Variants in HCRTR2 observed in about 807,000 individuals in gnomAD.
HCRTR2 encodes the protein hypocretin receptor 2.
Under a neutral mutation model 49.0 loss-of-function variants are expected in HCRTR2, and 22 were observed. The observed-to-expected ratio is 0.45, with a 90% CI of 0.32 to 0.64. The LOEUF (loss-of-function observed/expected upper bound fraction) is 0.64. Ranked by LOEUF, HCRTR2 falls within the 30% of genes least tolerant of loss-of-function variation. The probability of loss-of-function intolerance (pLI) is 0.04; values close to 1 mark genes in which losing one functional copy is unlikely to be tolerated. For synonymous variants in HCRTR2, 236 were observed against 205.3 expected (o/e 1.15, Z -1.28); for missense variants, 491 against 559.4 (o/e 0.88, Z 1.23).
At position 55,144,867 on chromosome 6, in the gene HCRTR2, T is replaced by TA. The variant is rs897826226; in HGVS notation, c.-377-29343dup. ...ATCTTGTGAGCTCTGGATTAATATA[T>TA]ATCATTGTTTCTTTAAGAGTTATTC... On this transcript the variant is annotated intron_variant, in intron 1 of 7. Coordinates refer to the HCRTR2 transcript ENST00000615358. Among the ~76,000 whole-genome samples, 5 of 152,294 alleles carry TA rather than the reference T, an allele frequency of 3.3e-5. No homozygotes were observed. In the South Asian group the frequency reaches 1.0e-3, roughly 32 times the overall value.
chr6:55,112,722 G>A (rs750244540), intron 1 of HCRTR2, among the ~76,000 whole-genome samples: 8 of 151,750 alleles, frequency 5.3e-5, no homozygotes, highest in South Asian at 2.1e-4. Context: ...CTGCAAAAGC[G>A]ATCTACAAGT....
At chr6:55,278,682 G>T (rs929048303) in intron 5 of HCRTR2, among the ~76,000 whole-genome samples, 3 of 151,292 alleles carry the variant, frequency 2.0e-5, no homozygotes, top group Admixed American at 2.0e-4. Context: ...CAAGAAAATA[G>T]AAATTATTTT....
chr6:55,188,967 T>C (rs919252657), intron 1 of HCRTR2, among the ~76,000 whole-genome samples: 1 of 152,194 alleles, frequency 6.6e-6, no homozygotes, highest in African/African-American at 2.4e-5. Flanking sequence ...ATTAAATGCA[T>C]GATAGCTTGA....
At chr6:55,147,714 A>G (rs1043092665) in intron 1 of HCRTR2, among the ~76,000 whole-genome samples, 2 of 152,160 alleles carry the variant, frequency 1.3e-5, no homozygotes, top group Non-Finnish European at 2.9e-5. Flanking sequence ...GTCCCTTTGA[A>G]AGTATTTCAT....
At chr6:55,210,064 G>A (rs1343696309) in intron 1 of HCRTR2, among the ~76,000 whole-genome samples, 5 of 151,998 alleles carry the variant, frequency 3.3e-5, no homozygotes, top group South Asian at 2.1e-4. Context: ...CAAAGGGACC[G>A]TTCACCCACA....
At chr6:55,254,470 A>C (rs149213810) in intron 2 of HCRTR2, among the ~76,000 whole-genome samples, 1 of 152,104 alleles carries the variant, frequency 6.6e-6, no homozygotes, top group Non-Finnish European at 1.5e-5. Context: ...GACTGGGTGA[A>C]CTTACCTAGT....
At chr6:55,249,159 C>T (rs1358872816) in intron 2 of HCRTR2, among the ~76,000 whole-genome samples, 1 of 152,056 alleles carries the variant, frequency 6.6e-6, no homozygotes, top group African/African-American at 2.4e-5. Context: ...TTCCTAATTT[C>T]CCCATTGTTA....
intron 1 of HCRTR2, among the ~76,000 whole-genome samples, chr6:55,127,005 C>T (rs1407590313): frequency 6.6e-6 from 1 of 151,940 alleles, no homozygotes; most frequent in Admixed American, 6.6e-5. Flanking sequence ...TTTGCTGGGC[C>T]CTATGGGAGT....
chr6:55,158,109 G>A (rs2127261038), intron 1 of HCRTR2, among the ~76,000 whole-genome samples: 1 of 152,254 alleles, frequency 6.6e-6, no homozygotes, highest in South Asian at 2.1e-4. Flanking sequence ...GAGGTACCCA[G>A]CTCCTCTCAT....
intron 1 of HCRTR2, among the ~76,000 whole-genome samples, chr6:55,165,489 C>G (rs1273487651): frequency 6.6e-6 from 1 of 151,628 alleles, no homozygotes; most frequent in Non-Finnish European, 1.5e-5. Flanking sequence ...GATTAAAGAC[C>G]TAAGTATAAG....
At chr6:55,208,459 T>A (rs1329293738) in intron 1 of HCRTR2, among the ~76,000 whole-genome samples, 1 of 150,800 alleles carries the variant, frequency 6.6e-6, no homozygotes, top group Non-Finnish European at 1.5e-5. Flanking sequence ...ACCATTGCAC[T>A]CCAGTCTGGG....
rs71560900 is a variant in HCRTR2, at chr6:55,175,468, A to G, written c.223+658A>G. Among the ~76,000 whole-genome samples, 1,135 of 152,154 alleles carry G rather than the reference A, an allele frequency of 7.5e-3. 9 individuals are homozygous for G. Among genetic ancestry groups the G allele is most frequent in the Middle Eastern group, 0.031 (9 of 292 alleles). On this transcript the variant is annotated intron_variant, in intron 1 of 6. Coordinates refer to ENST00000370862, the MANE Select transcript of HCRTR2 (RefSeq NM_001384272.1). ...CGGAGAAAAGTACCACAGAGATCTC[A>G]ATCATCCATCCATCCATTCATTCTT...
downstream of HCRTR2, chr6:55,282,712 G>GTT: frequency 2.1e-6 from 1 of 465,350 alleles, no homozygotes; most frequent in African/African-American, 2.0e-5. Flanking sequence ...GTATTAAAAT[G>GTT]TGTCAATTAA....
At chr6:55,170,599 T>TAA (rs367831047), upstream of HCRTR2, among the ~76,000 whole-genome samples, 24,173 of 151,546 alleles carry the variant, frequency 0.16, 2,204 homozygotes, top group Non-Finnish European at 0.2. Context: ...TTATTTTTAT[T>TAA]ATACTTTAAG....
intron 1 of HCRTR2, among the ~76,000 whole-genome samples, chr6:55,141,391 CTGTT>C (rs1764505541): frequency 6.6e-6 from 1 of 151,864 alleles, no homozygotes; most frequent in Non-Finnish European, 1.5e-5. Context: ...TTAGAAATGG[CTGTT>C]TTTCATGGTC....
At chr6:55,254,246 T>G (rs1270487775) in intron 2 of HCRTR2, among the ~76,000 whole-genome samples, 1 of 151,148 alleles carries the variant, frequency 6.6e-6, no homozygotes, top group African/African-American at 2.4e-5. Flanking sequence ...TAAAAAAAAA[T>G]GTAAAAGAAA....
At chr6:55,202,571 G>A (rs1168588030) in intron 1 of HCRTR2, among the ~76,000 whole-genome samples, 2 of 152,134 alleles carry the variant, frequency 1.3e-5, no homozygotes, top group Admixed American at 6.5e-5. Flanking sequence ...TCTGGTGAGG[G>A]CCTGTTTCCT....
chr6:55,208,037 A>C (rs1208207164), intron 1 of HCRTR2, among the ~76,000 whole-genome samples: 4 of 152,178 alleles, frequency 2.6e-5, no homozygotes, highest in Admixed American at 2.6e-4. Context: ...ATCATGTGAT[A>C]TGACTTGAGA....
intron 1 of HCRTR2, among the ~76,000 whole-genome samples, chr6:55,190,100 G>A (rs3122151): frequency 0.24 from 36,884 of 151,794 alleles, 4,620 homozygotes; most frequent in Admixed American, 0.32. Flanking sequence ...GTCTTCTGGA[G>A]TAATTAAAAG....
Sources: gnomAD v4.1 joint callset for allele counts (sites outside exome capture counted in the v4.1 genomes callset) on GRCh38, gnomAD v4.1.1 for gene constraint, MANE v1.5 for transcripts, NCBI Gene and HGNC (gene_info 2026-07-23, HGNC 2026-07-21) for gene names.